Variants in PPP2R2C observed in about 807,000 individuals in gnomAD.
PPP2R2C encodes protein phosphatase 2 regulatory subunit Bgamma, also known as protein phosphatase 2, regulatory subunit B, gamma.
PPP2R2C carries 10 observed loss-of-function variants against 45.3 expected under a neutral mutation model. The observed-to-expected ratio is 0.22, with a 90% CI of 0.14 to 0.37. The LOEUF (loss-of-function observed/expected upper bound fraction) is 0.37, where lower values mean the gene tolerates loss of function less well. Ranked by LOEUF, PPP2R2C falls within the 10% of genes least tolerant of loss-of-function variation. The probability of loss-of-function intolerance (pLI) is 1.00; values close to 1 mark genes in which losing one functional copy is unlikely to be tolerated. For missense variants in PPP2R2C, 308 were observed against 619.7 expected (o/e 0.50, Z 5.34); for synonymous variants, 257 against 245.4 (o/e 1.05, Z -0.44).
intron 1 of PPP2R2C, among the ~76,000 whole-genome samples, chr4:6,449,919 C>G (rs1194782220): frequency 2.0e-5 from 3 of 152,242 alleles, no homozygotes; most frequent in Non-Finnish European, 4.4e-5. Flanking sequence ...AGCCCCACCC[C>G]AATCTGCTGG....
chr4:6,480,960 C>T (rs1722327348), intron 2 of PPP2R2C, among the ~76,000 whole-genome samples: 1 of 152,210 alleles, frequency 6.6e-6, no homozygotes, highest in African/African-American at 2.4e-5. Context: ...GATGAATCGC[C>T]TGTCTTTTCC....
At chr4:6,504,838 G>C (rs1464869957) in intron 2 of PPP2R2C, among the ~76,000 whole-genome samples, 1 of 152,170 alleles carries the variant, frequency 6.6e-6, no homozygotes, top group Non-Finnish European at 1.5e-5. Context: ...CCATGAGTGT[G>C]ACTGTTGTCA....
At chr4:6,448,501 G>A (rs1019769840) in intron 1 of PPP2R2C, among the ~76,000 whole-genome samples, 2 of 151,936 alleles carry the variant, frequency 1.3e-5, no homozygotes, top group South Asian at 2.1e-4. Context: ...GCAGACCCTC[G>A]AGGTCAGCCC....
At chr4:6,421,209 C>G in intron 1 of PPP2R2C, 1 of 863,060 alleles carries the variant, frequency 1.2e-6, no homozygotes, top group Non-Finnish European at 1.4e-6. Flanking sequence ...CCACCTGGAC[C>G]CAGGAGCCAA....
At chr4:6,395,402 A>C (rs1369630113) in intron 1 of PPP2R2C, among the ~76,000 whole-genome samples, 2 of 152,178 alleles carry the variant, frequency 1.3e-5, no homozygotes, top group African/African-American at 4.8e-5. Context: ...CTCCCAGACC[A>C]GTCTGACCAA....
At chr4:6,554,953 AAGAAAGAAAGAAAG>A (rs1725329230) in intron 1 of PPP2R2C, among the ~76,000 whole-genome samples, 1 of 137,360 alleles carries the variant, frequency 7.3e-6, no homozygotes, top group South Asian at 2.4e-4. Context: ...GAAAGAAAGA[AAGAAAGAAAGAAAG>A]AGAAAGAAAG....
At chr4:6,479,966 C>T (rs1337911208) in intron 2 of PPP2R2C, among the ~76,000 whole-genome samples, 1 of 152,074 alleles carries the variant, frequency 6.6e-6, no homozygotes, top group Non-Finnish European at 1.5e-5. Context: ...TCACCTTAGC[C>T]ACTGAAGTAG....
chr4:6,418,641 T>C (rs1308147327), intron 1 of PPP2R2C, among the ~76,000 whole-genome samples: 1 of 152,176 alleles, frequency 6.6e-6, no homozygotes, highest in Non-Finnish European at 1.5e-5. Flanking sequence ...CATCAGTCCC[T>C]GTGCTGGGTT....
intron 1 of PPP2R2C, among the ~76,000 whole-genome samples, chr4:6,407,975 T>C (rs1485975903): frequency 6.6e-6 from 1 of 152,224 alleles, no homozygotes; most frequent in Non-Finnish European, 1.5e-5. Flanking sequence ...GAATGTAAAA[T>C]GTCTCAATTA....
intron 1 of PPP2R2C, among the ~76,000 whole-genome samples, chr4:6,437,834 C>A (rs1263325006): frequency 6.6e-6 from 1 of 152,214 alleles, no homozygotes; most frequent in African/African-American, 2.4e-5. Context: ...TCCTCAACAC[C>A]CCTGTGTAGA....
chr4:6,328,110 G>A lies in PPP2R2C; in HGVS notation c.1052+1152C>T, dbSNP rs569219278. ...CAGAGGTCTGGGAGAGCCCAGACCT[G>A]TCATGTTGACTGATGCCATCCACAG... On this transcript the variant is annotated intron_variant, in intron 8 of 8. Transcript: ENST00000382599. The surrounding 1 kb of genome is among the most constrained non-coding windows in gnomAD (Gnocchi z 4.4). 3.9e-5 allele frequency among the ~76,000 whole-genome samples: 6 copies of A among 152,262 alleles called. No homozygotes were observed. The South Asian group carries it at 1.2e-3, about 32-fold the overall frequency.
intron 1 of PPP2R2C, among the ~76,000 whole-genome samples, chr4:6,444,496 C>T (rs1456767509): frequency 1.3e-5 from 2 of 152,190 alleles, no homozygotes; most frequent in Non-Finnish European, 2.9e-5. Context: ...ATTCCAAATA[C>T]ACTCTGCCAC....
Position 6,330,490 on chromosome 4 carries a change from T to TG in PPP2R2C, c.961-1138dup, listed in dbSNP as rs1021296759. Among the ~76,000 whole-genome samples, 4 of 152,086 alleles carry TG rather than the reference T, an allele frequency of 2.6e-5. No homozygotes were observed. Among genetic ancestry groups the TG allele is most frequent in the Non-Finnish European group, 5.9e-5 (4 of 68,014 alleles). The stretch of plus-strand genomic sequence containing the variant: ...GTAAAGCAGGCTGCCCTCCATCATG[T>TG]GGGGGGCCTTGTCCAATCAGTCGAA... On this transcript the variant is annotated intron_variant, in intron 7 of 8. Coordinates refer to ENST00000382599, the MANE Select transcript of PPP2R2C (RefSeq NM_020416.4). The surrounding 1 kb of genome is among the most constrained non-coding windows in gnomAD (Gnocchi z 7.0).
intron 2 of PPP2R2C, among the ~76,000 whole-genome samples, chr4:6,525,297 C>T (rs1253655528): frequency 2.6e-5 from 4 of 151,452 alleles, no homozygotes; most frequent in South Asian, 2.1e-4. Flanking sequence ...CCCAGCTACT[C>T]GGGAGGCTGA....
intron 2 of PPP2R2C, among the ~76,000 whole-genome samples, chr4:6,526,406 C>A (rs569016252): frequency 6.6e-6 from 1 of 152,216 alleles, no homozygotes; most frequent in Non-Finnish European, 1.5e-5. Flanking sequence ...GTGGTCCTGG[C>A]AATTCTTCAG....
intron 1 of PPP2R2C, chr4:6,384,535 T>C (rs1271565869): frequency 2.0e-6 from 2 of 977,148 alleles, no homozygotes; most frequent in Non-Finnish European, 2.4e-6. Flanking sequence ...ACGCTGCACA[T>C]ACTTAATGTA....
chr4:6,362,789 C>T (rs907851392), intron 5 of PPP2R2C, among the ~76,000 whole-genome samples: 3 of 152,202 alleles, frequency 2.0e-5, no homozygotes, highest in African/African-American at 7.2e-5. Context: ...ACCATCATGA[C>T]TGAGAGGCGG....
intron 2 of PPP2R2C, among the ~76,000 whole-genome samples, chr4:6,491,645 G>T (rs375940003): frequency 6.6e-6 from 1 of 152,350 alleles, no homozygotes; most frequent in African/African-American, 2.4e-5. Flanking sequence ...GTTGGAGGAG[G>T]GGCCTGGTGG....
At chr4:6,353,257 A>G (rs969165388) in intron 5 of PPP2R2C, among the ~76,000 whole-genome samples, 34 of 150,198 alleles carry the variant, frequency 2.3e-4, no homozygotes, top group African/African-American at 7.6e-4. Flanking sequence ...GCAGCCACCG[A>G]CAGCCCCCCA....
Sources: allele counts gnomAD v4.1 joint callset (sites outside exome capture counted in the v4.1 genomes callset), GRCh38; gene constraint gnomAD v4.1.1; non-coding constraint Gnocchi (gnomAD v3.1); transcripts MANE v1.5; gene names NCBI Gene and HGNC (gene_info 2026-07-23, HGNC 2026-07-21).